METTL15: variants seen among roughly 807,000 people sequenced by gnomAD.
METTL15 encodes 12S rRNA N(4)-cytidine methyltransferase METTL15.
METTL15 carries 34 observed loss-of-function variants against 38.3 expected under a neutral mutation model. The ratio of observed to expected loss-of-function variants is 0.89; its 90% CI spans 0.68 to 1.18. The LOEUF is 1.18. Among genes scored for constraint, METTL15 ranks in the 50% most tolerant of loss-of-function variants. The pLI is 0.00. For missense variants in METTL15, 438 were observed against 498.4 expected (o/e 0.88, Z 1.15); for synonymous variants, 162 against 170.9 (o/e 0.95, Z 0.41).
chr11:28,118,167 A>G (rs1852058027), intron 3 of METTL15, among the ~76,000 whole-genome samples: 1 of 152,148 alleles, frequency 6.6e-6, no homozygotes, highest in Non-Finnish European at 1.5e-5. Context: ...ATGTATTTGA[A>G]GTGAGGTGCA....
chr11:28,489,596 T>A (rs1372402520), intron 6 of METTL15, among the ~76,000 whole-genome samples: 2 of 152,006 alleles, frequency 1.3e-5, no homozygotes, highest in African/African-American at 4.8e-5. Context: ...GACTGAGTGC[T>A]ATGGAAGCCC....
intron 6 of METTL15, among the ~76,000 whole-genome samples, chr11:28,478,872 A>G (rs1851370110): frequency 6.6e-6 from 1 of 152,052 alleles, no homozygotes; most frequent in Non-Finnish European, 1.5e-5. Context: ...TGACTTGTAA[A>G]AAGCTTAAAT....
intron 5 of METTL15, among the ~76,000 whole-genome samples, chr11:28,384,138 T>C (rs1850416523): frequency 6.6e-6 from 1 of 152,154 alleles, no homozygotes; most frequent in Non-Finnish European, 1.5e-5. Flanking sequence ...ATGGATAAGA[T>C]ATTGTTCATT....
chr11:28,191,901 A>T (rs1009932465), intron 3 of METTL15, among the ~76,000 whole-genome samples: 2 of 151,724 alleles, frequency 1.3e-5, no homozygotes, highest in African/African-American at 4.8e-5. Context: ...ATTTTCTTAA[A>T]CTGAGGTTAA....
At chr11:28,316,132 C>T (rs1248846864) in intron 6 of METTL15, among the ~76,000 whole-genome samples, 1 of 152,210 alleles carries the variant, frequency 6.6e-6, no homozygotes, top group African/African-American at 2.4e-5. Context: ...CAGCTTGCAT[C>T]ATGCACCTTG....
At chr11:28,505,507 C>T (rs1851621148) in intron 6 of METTL15, among the ~76,000 whole-genome samples, 1 of 152,212 alleles carries the variant, frequency 6.6e-6, no homozygotes, top group Admixed American at 6.5e-5. Flanking sequence ...AATCCATAAA[C>T]CATTTCCCAA....
chr11:28,461,190 A>G (rs1360014244), intron 6 of METTL15, among the ~76,000 whole-genome samples: 1 of 152,088 alleles, frequency 6.6e-6, no homozygotes, highest in Non-Finnish European at 1.5e-5. Context: ...ACATGAATCC[A>G]ATTCCATTTA....
rs551475634 is a variant in METTL15, at chr11:28,291,625, ATGT to A, written c.599+1234_599+1236del. Among the ~76,000 whole-genome samples, 7 of 152,254 alleles carry A rather than the reference ATGT, an allele frequency of 4.6e-5. No homozygotes were observed. In the South Asian group the frequency reaches 1.2e-3, roughly 27 times the overall value. On this transcript the variant is annotated intron_variant, in intron 5 of 6. Coordinates refer to ENST00000407364, the MANE Select transcript of METTL15 (RefSeq NM_001113528.2). Reference sequence around the variant, plus strand: ...CTAAGTGTTATACCTTCTTTTGCACATGTTGTTGGTATTCACAGAATGAAGAAT... The same window carrying A: ...CTAAGTGTTATACCTTCTTTTGCACATGTTGGTATTCACAGAATGAAGAAT...
chr11:28,407,574 A>G (rs779945215), intron 5 of METTL15, among the ~76,000 whole-genome samples: 37 of 152,198 alleles, frequency 2.4e-4, no homozygotes, highest in Non-Finnish European at 4.7e-4. Flanking sequence ...CAACATCACT[A>G]ATCATTAGAG....
chr11:28,119,806 T>C (rs1852133516), intron 3 of METTL15, among the ~76,000 whole-genome samples: 1 of 152,162 alleles, frequency 6.6e-6, no homozygotes, highest in Non-Finnish European at 1.5e-5. Flanking sequence ...AGAGTAGACA[T>C]CAAAGAGAAA....
intron 5 of METTL15, among the ~76,000 whole-genome samples, chr11:28,365,607 T>A (rs1330186683): frequency 1.3e-5 from 2 of 152,176 alleles, no homozygotes; most frequent in Non-Finnish European, 2.9e-5. Context: ...ATTACATTCC[T>A]CATTTAGGAC....
At chr11:28,229,317 G>A (rs1423339578) in intron 4 of METTL15, among the ~76,000 whole-genome samples, 1 of 151,832 alleles carries the variant, frequency 6.6e-6, no homozygotes, top group Non-Finnish European at 1.5e-5. Context: ...TGCACAGATA[G>A]AACTGTTTAA....
intron 6 of METTL15, among the ~76,000 whole-genome samples, chr11:28,495,443 T>C (rs1851527844): frequency 6.6e-6 from 1 of 152,188 alleles, no homozygotes; most frequent in South Asian, 2.1e-4. Flanking sequence ...AGCTCTCCCC[T>C]ATTAAAGATG....
chr11:28,458,548 A>G (rs568138528), intron 6 of METTL15, among the ~76,000 whole-genome samples: 1 of 152,270 alleles, frequency 6.6e-6, no homozygotes, highest in East Asian at 1.9e-4. Context: ...TCAAGTCAAA[A>G]TTATAGGAGA....
chr11:28,249,275 A>C (rs1024135326), intron 4 of METTL15, among the ~76,000 whole-genome samples: 13 of 152,020 alleles, frequency 8.6e-5, no homozygotes, highest in African/African-American at 3.1e-4. Context: ...GATTTGACAG[A>C]GATACTTATA....
At chr11:28,184,746 A>G (rs1220315827) in intron 3 of METTL15, among the ~76,000 whole-genome samples, 3 of 151,732 alleles carry the variant, frequency 2.0e-5, no homozygotes, top group Non-Finnish European at 4.4e-5. Context: ...ACTTGCAGAT[A>G]TGTCCATATC....
chr11:28,301,692 TATTAAA>T (rs1219124626), intron 6 of METTL15, among the ~76,000 whole-genome samples: 1 of 152,148 alleles, frequency 6.6e-6, no homozygotes, highest in Non-Finnish European at 1.5e-5. Context: ...TCAAATAAGG[TATTAAA>T]ATTAATATTT....
intron 5 of METTL15, 82 bp downstream of exon 5, chr11:28,290,479 C>T (rs1856469670): frequency 1.5e-6 from 2 of 1,326,726 alleles, no homozygotes; most frequent in African/African-American, 1.5e-5. Context: ...TTTAAGACTA[C>T]AGAATTTCCA....
At chr11:28,351,664 C>T in intron 3 of METTL15, among the ~76,000 whole-genome samples, 1 of 152,140 alleles carries the variant, frequency 6.6e-6, no homozygotes, top group Middle Eastern at 3.2e-3. Context: ...TGTGTCTTTG[C>T]ATTTGAGTAT....
Sources: allele counts gnomAD v4.1 joint callset (sites outside exome capture counted in the v4.1 genomes callset), GRCh38; gene constraint gnomAD v4.1.1; transcripts MANE v1.5; gene names NCBI Gene and HGNC (gene_info 2026-07-23, HGNC 2026-07-21).